Variants in ESR2 observed in about 807,000 individuals in gnomAD.
ESR2 encodes the protein estrogen receptor beta.
Under a neutral mutation model 49.6 loss-of-function variants are expected in ESR2, and 36 were observed. The ratio of observed to expected loss-of-function variants is 0.73; its 90% CI spans 0.56 to 0.96. The LOEUF is 0.96. Among genes scored for constraint, ESR2 ranks in the 40% least tolerant of loss-of-function variants. The pLI is 0.00. For synonymous variants in ESR2, 320 were observed against 266.1 expected, an observed-to-expected ratio of 1.20 and a Z score of -1.97; for missense variants, 714 against 693.0, an observed-to-expected ratio of 1.03 and a Z score of -0.34.
At chr14:64,248,254 C>T (rs923980025) in intron 7 of ESR2, among the ~76,000 whole-genome samples, 9 of 151,706 alleles carry the variant, frequency 5.9e-5, no homozygotes, top group African/African-American at 2.2e-4. Flanking sequence ...TTGTAAATTC[C>T]AGAACTTTGG....
chr14:64,312,300 CAG>C (rs2077196047), intron 1 of ESR2, among the ~76,000 whole-genome samples: 2 of 151,854 alleles, frequency 1.3e-5, no homozygotes, highest in Admixed American at 1.3e-4. Flanking sequence ...AAAAAGAAAA[CAG>C]AAATTTAAAA....
Position 64,231,487 on chromosome 14 carries a change from T to G in ESR2, c.*1650A>C, listed in dbSNP as rs1381363487. 1 of 152,222 alleles carries G rather than the reference T, an allele frequency of 6.6e-6. No homozygotes were observed. The highest frequency in any genetic ancestry group is 1.5e-5 in the Non-Finnish European group (1 of 68,036). The allele number at this position is 152,222 out of a possible 1,614,324, so 9.4% of individuals were successfully genotyped here. ...TTCAGACTGCCTCAGAACACAGACA[T>G]CAGTGTGTTCTCTAGGTACTTGTCC... On this transcript the variant is annotated 3_prime_UTR_variant, in exon 9 of 9. Transcript: ENST00000341099.
chr14:64,284,194 G>A (rs1225504216), intron 1 of ESR2, among the ~76,000 whole-genome samples: 1 of 152,042 alleles, frequency 6.6e-6, no homozygotes, highest in African/African-American at 2.4e-5. Flanking sequence ...CTCCCAAAGT[G>A]CTGGGATTAC....
At chr14:64,329,856 C>CTGGT (rs2077434319) in intron 1 of ESR2, 1 of 151,002 alleles carries the variant, frequency 6.6e-6, no homozygotes, top group Admixed American at 6.6e-5. Context: ...ATAAACTACC[C>CTGGT]GGCTAGGCAT....
intron 1 of ESR2, among the ~76,000 whole-genome samples, chr14:64,283,836 T>C (rs1485064696): frequency 6.8e-6 from 1 of 146,942 alleles, no homozygotes; most frequent in African/African-American, 2.5e-5. Flanking sequence ...GAATCTCCAA[T>C]AATAAAAAAC....
At chr14:64,291,540 T>A (rs1241215854) in intron 1 of ESR2, among the ~76,000 whole-genome samples, 1 of 151,844 alleles carries the variant, frequency 6.6e-6, no homozygotes, top group Non-Finnish European at 1.5e-5. Flanking sequence ...GACATCAATT[T>A]TATATATATA....
chr14:64,242,427 C>A (rs1242333395), intron 7 of ESR2, among the ~76,000 whole-genome samples: 25 of 107,288 alleles, frequency 2.3e-4, no homozygotes, highest in East Asian at 1.4e-3. Flanking sequence ...ACAAAAAAAA[C>A]AAAACAAACA....
At chr14:64,233,985 G>A (rs2098729903) in intron 8 of ESR2, 1 of 152,280 alleles carries the variant, frequency 6.6e-6, no homozygotes, top group South Asian at 2.1e-4. Context: ...TTGACAGTAT[G>A]AGAGCAGCTG....
chr14:64,314,872 C>T (rs1171879254), intron 1 of ESR2, among the ~76,000 whole-genome samples: 129 of 107,922 alleles, frequency 1.2e-3, no homozygotes, highest in African/African-American at 4.2e-3. Flanking sequence ...AGCAAGACTC[C>T]GTCTCAAAAA....
intron 1 of ESR2, among the ~76,000 whole-genome samples, chr14:64,316,839 G>A (rs1255955660): frequency 2.1e-4 from 32 of 151,960 alleles, no homozygotes; most frequent in Non-Finnish European, 1.5e-5. Flanking sequence ...AATAACTACA[G>A]ACTAATATAC....
intron 1 of ESR2, among the ~76,000 whole-genome samples, chr14:64,303,140 G>A (rs986753544): frequency 1.3e-5 from 2 of 152,148 alleles, no homozygotes; most frequent in African/African-American, 4.8e-5. Context: ...TTTGCAATTC[G>A]GTGATTAAAC....
At position 64,235,275 on chromosome 14, in the gene ESR2, G is replaced by A. The variant is rs1016459092; in HGVS notation, c.1226-125C>T. 1.3e-5 allele frequency: 12 copies of A among 946,576 alleles called. No homozygotes were observed. The Admixed American group carries it at 2.6e-4, about 20-fold the overall frequency. The allele number at this position is 946,576 out of a possible 1,614,324, so 58.6% of individuals were successfully genotyped here. A position where few individuals can be genotyped will look rare whatever the true frequency, so the allele number is the denominator to read the frequency against. On this transcript the variant is annotated intron_variant, in intron 7 of 8. Coordinates refer to ENST00000341099, the MANE Select transcript of ESR2 (RefSeq NM_001437.3). ...GCTTTGACAGCTGCATGTGTGGCAG[G>A]AGCTTATAAGCATGGTCTTACCTCC...
chr14:64,319,048 CAA>C (rs544724723), intron 1 of ESR2, among the ~76,000 whole-genome samples: 3 of 109,420 alleles, frequency 2.7e-5, no homozygotes, highest in East Asian at 2.5e-4. Flanking sequence ...GACCCAGTCT[CAA>C]AAAAAAAAAA....
chr14:64,307,767 C>T (rs2077126328), intron 1 of ESR2, among the ~76,000 whole-genome samples: 1 of 152,134 alleles, frequency 6.6e-6, no homozygotes, highest in Non-Finnish European at 1.5e-5. Context: ...ACCTTCTGAC[C>T]TCGTGATCCA....
In ESR2 at chr14:64,230,705, G is replaced by A. The variant is rs565507303; in HGVS notation, c.*2432C>T. 2.0e-5 allele frequency among the ~76,000 whole-genome samples: 3 copies of A among 151,960 alleles called. No homozygotes were observed. Among genetic ancestry groups the A allele is most frequent in the African/African-American group, 7.2e-5 (3 of 41,442 alleles). On this transcript the variant is annotated 3_prime_UTR_variant, in exon 9 of 9. Transcript: ENST00000341099. Reference sequence around the variant, plus strand: ...GACAGGCCTGACAGAGGGGTGCTGTGAGAACAGAGCGAGATTCGGTGAGAA... The same window carrying A: ...GACAGGCCTGACAGAGGGGTGCTGTAAGAACAGAGCGAGATTCGGTGAGAA...
At chr14:64,263,771 A>T (rs927253548) in intron 4 of ESR2, among the ~76,000 whole-genome samples, 6 of 152,214 alleles carry the variant, frequency 3.9e-5, no homozygotes, top group African/African-American at 1.4e-4. Context: ...GGGCTATTTA[A>T]ATCTCTCTCT....
At chr14:64,316,386 T>C (rs1304218535) in intron 1 of ESR2, among the ~76,000 whole-genome samples, 1 of 152,094 alleles carries the variant, frequency 6.6e-6, no homozygotes, top group Non-Finnish European at 1.5e-5. Context: ...TTCTATCAAA[T>C]CTTAAAAGAA....
upstream of ESR2, chr14:64,298,453 T>C (rs1054271692): frequency 2.0e-5 from 3 of 152,226 alleles, no homozygotes; most frequent in Admixed American, 6.5e-5. Flanking sequence ...GTTGCATAAA[T>C]GGAGGCATGT....
intron 1 of ESR2, among the ~76,000 whole-genome samples, chr14:64,284,957 C>T (rs2076759568): frequency 1.3e-5 from 2 of 151,296 alleles, no homozygotes; most frequent in Non-Finnish European, 1.5e-5. Flanking sequence ...TCAAGCGATT[C>T]TTCTGCCTCA....
Sources: gnomAD v4.1 joint callset for allele counts (sites outside exome capture counted in the v4.1 genomes callset) on GRCh38, gnomAD v4.1.1 for gene constraint, MANE v1.5 for transcripts, NCBI Gene and HGNC (gene_info 2026-07-23, HGNC 2026-07-21) for gene names.